Variants in CRHR1 observed in about 807,000 individuals in gnomAD.
CRHR1 encodes the protein corticotropin-releasing hormone receptor 1.
CRHR1 carries 28 observed loss-of-function variants against 56.0 expected under a neutral mutation model. The observed-to-expected ratio is 0.50, with a 90% CI of 0.37 to 0.69. The LOEUF (loss-of-function observed/expected upper bound fraction) is 0.69. Among genes scored for constraint, CRHR1 ranks in the 30% least tolerant of loss-of-function variants. The pLI, the probability that CRHR1 is intolerant of heterozygous loss-of-function variation, is 0.00. For missense variants in CRHR1, 376 were observed against 548.0 expected, an observed-to-expected ratio of 0.69 and a Z score of 3.13; for synonymous variants, 195 against 216.5, an observed-to-expected ratio of 0.90 and a Z score of 0.87.
chr17:45,795,421 TG>T (rs1292172525), intron 1 of CRHR1, among the ~76,000 whole-genome samples: 1 of 152,216 alleles, frequency 6.6e-6, no homozygotes, highest in Non-Finnish European at 1.5e-5. Flanking sequence ...TATTGACATT[TG>T]GGGCCAGATA....
chr17:45,795,050 G>C (rs538062842), intron 1 of CRHR1, among the ~76,000 whole-genome samples: 141 of 152,320 alleles, frequency 9.3e-4, no homozygotes, highest in Middle Eastern at 6.8e-3. Flanking sequence ...CCTGCAGGAG[G>C]AGATCTGGAG....
chr17:45,833,693 T>TGGGGGGGGGGG, intron 10 of CRHR1, 21 bp from the exon 11 acceptor site: 232 of 1,571,206 alleles, frequency 1.5e-4, no homozygotes, highest in Non-Finnish European at 1.8e-4. Flanking sequence ...ACTCCGAGCC[T>TGGGGGGGGGGG]CCCCACCCGC....
intron 4 of CRHR1, among the ~76,000 whole-genome samples, chr17:45,828,076 T>A (rs1010335064): frequency 1.3e-4 from 20 of 152,232 alleles, no homozygotes; most frequent in Admixed American, 3.3e-4. Context: ...CACCTGCTTT[T>A]CAACACCCGT....
intron 2 of CRHR1, among the ~76,000 whole-genome samples, chr17:45,813,705 G>A (rs138572900): frequency 9.9e-4 from 151 of 152,334 alleles, no homozygotes; most frequent in African/African-American, 3.1e-3. Context: ...ATCCACTCCC[G>A]TCTCAGTATC....
intron 12 of CRHR1, 150 bp downstream of exon 12, chr17:45,834,198 G>A: frequency 1.0e-6 from 1 of 982,670 alleles, no homozygotes. Flanking sequence ...GAGCCCCAGG[G>A]TGGCCCCTCC....
chr17:45,829,750 G>A (rs1230500637), intron 5 of CRHR1: 24 of 1,193,796 alleles, frequency 2.0e-5, no homozygotes, highest in Non-Finnish European at 4.8e-6. Context: ...GCTGGGAGCA[G>A]GGCTGACCCC....
intron 1 of CRHR1, among the ~76,000 whole-genome samples, chr17:45,796,239 C>T (rs1396079178): frequency 6.6e-6 from 1 of 152,220 alleles, no homozygotes; most frequent in Admixed American, 6.5e-5. Flanking sequence ...GGGACAGTTT[C>T]CCAGTGTCTG....
At chr17:45,833,308 C>A in intron 9 of CRHR1, 98 bp downstream of exon 9, 1 of 1,476,738 alleles carries the variant, frequency 6.8e-7, no homozygotes, top group Non-Finnish European at 9.5e-7. Context: ...GAGGTGGGGG[C>A]CACCCAAAGA....
intron 2 of CRHR1, among the ~76,000 whole-genome samples, chr17:45,809,694 G>T (rs2061784599): frequency 6.6e-6 from 1 of 152,250 alleles, no homozygotes; most frequent in South Asian, 2.1e-4. Context: ...GGGCGGAGGG[G>T]CGAGACAGAT....
intron 1 of CRHR1, among the ~76,000 whole-genome samples, chr17:45,785,540 G>C (rs931063705): frequency 2.6e-5 from 4 of 152,368 alleles, no homozygotes; most frequent in Non-Finnish European, 4.4e-5. Flanking sequence ...CCTCACCCGG[G>C]GCTCGGGACT....
In CRHR1 at chr17:45,830,566, C is replaced by T. The variant is rs1000182987; in HGVS notation, c.705C>T (p.Gly235=). The T allele has an allele frequency of 2.2e-5, 35 of 1,604,122 alleles. No individual in the cohort carries two copies. The highest frequency in any genetic ancestry group is 3.0e-5 in the Non-Finnish European group (35 of 1,174,612). The change falls in exon 7 of 13, where the codon GGC becomes GGT. Residue 235 remains glycine, a synonymous_variant. Transcript: ENST00000314537. The stretch of plus-strand genomic sequence containing the variant: ...GCAAATGGATGTTCATCTGCATTGG[C>T]TGGGGTGAGCTGGGCAGCCACCTCC... ...RLRKWMFICI[G]WGVPFPIIVA... is the part of the protein sequence containing the mutation.
intron 1 of CRHR1, among the ~76,000 whole-genome samples, chr17:45,803,775 T>TGCGCGC (rs1232847421): frequency 1.7e-4 from 26 of 150,446 alleles, no homozygotes; most frequent in Middle Eastern, 3.4e-3. Context: ...TGTGTGTGTG[T>TGCGCGC]GCGTGCGCGT....
At chr17:45,832,523 T>C (rs2062337457) in intron 8 of CRHR1, among the ~76,000 whole-genome samples, 1 of 152,216 alleles carries the variant, frequency 6.6e-6, no homozygotes, top group Non-Finnish European at 1.5e-5. Context: ...ATCTAGCCAC[T>C]GGGGGTCTTC....
intron 2 of CRHR1, among the ~76,000 whole-genome samples, chr17:45,809,557 G>A (rs1467298959): frequency 6.6e-6 from 1 of 152,248 alleles, no homozygotes; most frequent in Non-Finnish European, 1.5e-5. Context: ...GCCCAGCCCA[G>A]CCTGCCTGGC....
intron 2 of CRHR1, 74 bp downstream of exon 2, chr17:45,807,171 T>C (rs1172434906): frequency 1.5e-6 from 2 of 1,371,228 alleles, no homozygotes; most frequent in African/African-American, 2.8e-5. Flanking sequence ...TCCCAGAGCC[T>C]GCACACAGAA....
chr17:45,815,188 T>C (rs989438680), intron 2 of CRHR1, among the ~76,000 whole-genome samples: 1 of 152,232 alleles, frequency 6.6e-6, no homozygotes, highest in Admixed American at 6.5e-5. Flanking sequence ...CCTCCGTGGC[T>C]TGTCTGTCCA....
At chr17:45,826,477 G>C (rs531312868) in intron 4 of CRHR1, 1 of 152,246 alleles carries the variant, frequency 6.6e-6, no homozygotes. Flanking sequence ...GCTTGAACCC[G>C]GCCCAGGCCC....
chr17:45,834,786 C>A lies in CRHR1; in HGVS notation c.*22C>A. The A allele has an allele frequency of 6.2e-7, 1 of 1,613,238 alleles. No homozygotes were observed. Among genetic ancestry groups the A allele is most frequent in the South Asian group, 1.1e-5 (1 of 91,078 alleles). Reference sequence around the variant, plus strand: ...CTGAGCTGGCAGGTCATGGAGCAGCCCCCAAAGAGCTGTGGCTGGGGGGAT... The same window carrying A: ...CTGAGCTGGCAGGTCATGGAGCAGCACCCAAAGAGCTGTGGCTGGGGGGAT... On this transcript the variant is annotated 3_prime_UTR_variant, in exon 13 of 13. Coordinates refer to ENST00000314537, the MANE Select transcript of CRHR1 (RefSeq NM_004382.5).
At chr17:45,795,426 C>T (rs1049325983) in intron 1 of CRHR1, among the ~76,000 whole-genome samples, 1 of 152,198 alleles carries the variant, frequency 6.6e-6, no homozygotes, top group African/African-American at 2.4e-5. Context: ...ACATTTGGGG[C>T]CAGATAATCC....
Sources: allele counts gnomAD v4.1 joint callset (sites outside exome capture counted in the v4.1 genomes callset), GRCh38; gene constraint gnomAD v4.1.1; transcripts MANE v1.5; gene names NCBI Gene and HGNC (gene_info 2026-07-23, HGNC 2026-07-21).